The following FAF1 variants were observed in gnomAD, a reference collection of about 807,000 sequenced individuals.
FAF1 encodes FAS-associated factor 1.
Under a neutral mutation model 92.5 loss-of-function variants are expected in FAF1, and 25 were observed. That is an observed-to-expected ratio of 0.27 (90% CI 0.20 to 0.38). The LOEUF (loss-of-function observed/expected upper bound fraction) is 0.38, where lower values mean the gene tolerates loss of function less well. Among genes scored for constraint, FAF1 ranks in the 10% least tolerant of loss-of-function variants. The probability of loss-of-function intolerance (pLI) is 1.00; values close to 1 mark genes in which losing one functional copy is unlikely to be tolerated. For synonymous variants in FAF1, 234 were observed against 273.2 expected (o/e 0.86, Z 1.42); for missense variants, 636 against 793.3 (o/e 0.80, Z 2.38).
chr1:50,759,862 T>A (rs1250077290), intron 4 of FAF1, among the ~76,000 whole-genome samples: 1 of 152,252 alleles, frequency 6.6e-6, no homozygotes, highest in Non-Finnish European at 1.5e-5. Flanking sequence ...TGTGAGATGG[T>A]AACTCATTGT....
At chr1:50,734,487 C>G (rs902073536) in intron 6 of FAF1, among the ~76,000 whole-genome samples, 1 of 152,114 alleles carries the variant, frequency 6.6e-6, no homozygotes, top group African/African-American at 2.4e-5. Context: ...GTAATCCCAG[C>G]ACTTTGGGAA....
rs1008736300 is a variant in FAF1, at chr1:50,701,083, T to C, written c.657+4703A>G. On this transcript the variant is annotated intron_variant, in intron 7 of 18. Transcript: ENST00000396153. Reference sequence around the variant, plus strand: ...TTAAAAGATGCATAATCGTCTTTTCTGAAAGCTGAATAAAGGCTTGAATTC... The same window carrying C: ...TTAAAAGATGCATAATCGTCTTTTCCGAAAGCTGAATAAAGGCTTGAATTC... Among the ~76,000 whole-genome samples the C allele has an allele frequency of 1.7e-4, 26 of 152,270 alleles. No homozygotes were observed. The Middle Eastern group carries it at 0.01, about 60-fold the overall frequency.
chr1:50,917,325 A>G (rs1477523376), intron 1 of FAF1, among the ~76,000 whole-genome samples: 1 of 152,120 alleles, frequency 6.6e-6, no homozygotes, highest in Non-Finnish European at 1.5e-5. Flanking sequence ...CCTGAAATCG[A>G]GAGAACTTAA....
At position 50,441,630 on chromosome 1, in the gene FAF1, C is replaced by T. The variant is rs181128823; in HGVS notation, c.1870-107G>A. 758 of 539,332 alleles carry T rather than the reference C, an allele frequency of 1.4e-3. 1 individual carries two copies. The highest frequency in any genetic ancestry group is 2.1e-3 in the Non-Finnish European group (637 of 306,904). The allele number at this position is 539,332 out of a possible 1,614,324, so 33.4% of individuals were successfully genotyped here. On this transcript the variant is annotated intron_variant, in intron 18 of 18. Transcript: ENST00000396153. ...CTGATTCTGAAACTATGCACTGGCACGAAGAGTCTCGCAGTATCTTAGTTG... is the reference window on the plus strand; with the variant it reads ...CTGATTCTGAAACTATGCACTGGCATGAAGAGTCTCGCAGTATCTTAGTTG...
chr1:50,506,227 T>C (rs1161130817), intron 15 of FAF1, among the ~76,000 whole-genome samples: 3 of 152,228 alleles, frequency 2.0e-5, no homozygotes, highest in Non-Finnish European at 4.4e-5. Flanking sequence ...TCTGAACCAC[T>C]TGGTATTTCA....
intron 13 of FAF1, among the ~76,000 whole-genome samples, chr1:50,564,150 A>T (rs916421362): frequency 1.3e-5 from 2 of 152,130 alleles, no homozygotes; most frequent in African/African-American, 4.8e-5. Flanking sequence ...TAGTCAGAGT[A>T]ATCCTTAAGC....
At chr1:50,593,272 T>C (rs1337930762) in intron 9 of FAF1, among the ~76,000 whole-genome samples, 2 of 152,190 alleles carry the variant, frequency 1.3e-5, no homozygotes, top group Admixed American at 6.5e-5. Flanking sequence ...TGCTCTTCAC[T>C]ATATGGAACT....
chr1:50,827,161 T>A (rs1031725739), intron 2 of FAF1, among the ~76,000 whole-genome samples: 2 of 151,638 alleles, frequency 1.3e-5, no homozygotes, highest in Admixed American at 1.3e-4. Flanking sequence ...TGGGCCATGA[T>A]GACGATGGCG....
intron 15 of FAF1, among the ~76,000 whole-genome samples, chr1:50,518,904 G>T (rs538735774): frequency 6.6e-6 from 1 of 152,288 alleles, no homozygotes; most frequent in African/African-American, 2.4e-5. Flanking sequence ...GTGAATAATA[G>T]CTTTGGTTGT....
rs568841333 is a variant in FAF1, at chr1:50,845,247, G to A, written c.114+12682C>T. ...AGATGTACGCCTGCAGTTTCTGGCT[G>A]CAACTTGGGAACCAGCAATATGAGC... On this transcript the variant is annotated intron_variant, in intron 2 of 18. Transcript: ENST00000396153. Among the ~76,000 whole-genome samples the A allele has an allele frequency of 8.3e-4, 126 of 152,318 alleles. 1 individual carries two copies. The highest frequency in any genetic ancestry group is 2.8e-3 in the African/African-American group (118 of 41,556).
chr1:50,915,583 G>A (rs1458760306), intron 1 of FAF1, among the ~76,000 whole-genome samples: 1 of 151,934 alleles, frequency 6.6e-6, no homozygotes, highest in Non-Finnish European at 1.5e-5. Context: ...TATGTACCAG[G>A]TACCTCAGGA....
intron 8 of FAF1, among the ~76,000 whole-genome samples, chr1:50,611,907 C>T (rs1177886107): frequency 6.6e-6 from 1 of 152,100 alleles, no homozygotes; most frequent in Non-Finnish European, 1.5e-5. Context: ...TGGAAACTGG[C>T]TTTGAAACAG....
rs188155794 is a variant in FAF1, at chr1:50,789,941, C to A, written c.162-1736G>T. On this transcript the variant is annotated intron_variant, in intron 3 of 18. Transcript: ENST00000396153. ...CACAGGCTATTCCCTCTAAGAATAT[C>A]CTTTCCTCCATTACCCATCCACTTC... is the stretch of plus-strand genomic sequence containing the variant. 2.3e-3 allele frequency among the ~76,000 whole-genome samples: 352 copies of A among 152,254 alleles called. 1 individual carries two copies. The highest frequency in any genetic ancestry group is 8.3e-3 in the African/African-American group (343 of 41,526).
intron 2 of FAF1, among the ~76,000 whole-genome samples, chr1:50,819,683 A>ATATATATACG (rs1644015489): frequency 1.6e-5 from 1 of 64,314 alleles, no homozygotes; most frequent in Non-Finnish European, 3.1e-5. Flanking sequence ...CTCTCTGTAT[A>ATATATATACG]TATATATACA....
intron 15 of FAF1, among the ~76,000 whole-genome samples, chr1:50,498,840 C>A (rs1646941521): frequency 6.7e-6 from 1 of 148,830 alleles, no homozygotes; most frequent in Admixed American, 6.7e-5. Context: ...ACAGAGCGAA[C>A]CTCTGTCTCA....
chr1:50,905,214 ACTC>A (rs1358104011), intron 1 of FAF1, among the ~76,000 whole-genome samples: 1 of 152,094 alleles, frequency 6.6e-6, no homozygotes, highest in African/African-American at 2.4e-5. Context: ...AAGGACATGA[ACTC>A]ATCCATTTTT....
At chr1:50,565,839 G>A (rs1413115050) in intron 13 of FAF1, among the ~76,000 whole-genome samples, 2 of 152,038 alleles carry the variant, frequency 1.3e-5, no homozygotes, top group Non-Finnish European at 2.9e-5. Flanking sequence ...GTGGATAAAA[G>A]GAAAGGAGGA....
chr1:50,594,924 C>G (rs979137856), intron 9 of FAF1, among the ~76,000 whole-genome samples: 1 of 151,056 alleles, frequency 6.6e-6, no homozygotes, highest in African/African-American at 2.4e-5. Flanking sequence ...CACTTAGACC[C>G]AAATAGGCAC....
At chr1:50,704,101 G>A (rs926197111) in intron 7 of FAF1, among the ~76,000 whole-genome samples, 2 of 152,058 alleles carry the variant, frequency 1.3e-5, no homozygotes, top group African/African-American at 4.8e-5. Flanking sequence ...TCTCCTCCCT[G>A]CAATATGCCA....
Sources: gnomAD v4.1 joint callset for allele counts (sites outside exome capture counted in the v4.1 genomes callset) on GRCh38, gnomAD v4.1.1 for gene constraint, MANE v1.5 for transcripts, NCBI Gene and HGNC (gene_info 2026-07-23, HGNC 2026-07-21) for gene names.